Variants in LIN52 observed in about 807,000 individuals in gnomAD.
LIN52 encodes protein lin-52 homolog.
Under a neutral mutation model 18.5 loss-of-function variants are expected in LIN52, and 4 were observed. The observed-to-expected ratio is 0.22, with a 90% CI of 0.11 to 0.49. The LOEUF (loss-of-function observed/expected upper bound fraction) is 0.49. Among genes scored for constraint, LIN52 ranks in the 20% least tolerant of loss-of-function variants. LIN52 has a pLI of 0.97. For missense variants in LIN52, 102 were observed against 139.5 expected (o/e 0.73, Z 1.35); for synonymous variants, 34 against 45.5 (o/e 0.75, Z 1.02).
chr14:74,186,206 C>G (rs149443840), intron 5 of LIN52, among the ~76,000 whole-genome samples: 3 of 151,612 alleles, frequency 2.0e-5, no homozygotes, highest in Non-Finnish European at 2.9e-5. Context: ...GCGGGAGAAT[C>G]GCTTGAACCC....
At chr14:74,182,488 T>G (rs1258865249) in intron 5 of LIN52, among the ~76,000 whole-genome samples, 1 of 152,048 alleles carries the variant, frequency 6.6e-6, no homozygotes, top group Non-Finnish European at 1.5e-5. Flanking sequence ...AGATGCTGAT[T>G]TGTCCAAATC....
rs183818244 is a variant in LIN52, at chr14:74,162,691, G to A, written c.284-36231G>A. Among the ~76,000 whole-genome samples, 4 of 152,138 alleles carry A rather than the reference G, an allele frequency of 2.6e-5. No homozygotes were observed. In the East Asian group the frequency reaches 7.7e-4, roughly 29 times the overall value. On this transcript the variant is annotated intron_variant, in intron 5 of 5. Transcript: ENST00000555028. ...TTACAGGTGTGAGCCACTGCGCCCA[G>A]CCGAATTTTCTTAATTTCATGTATG... is the stretch of plus-strand genomic sequence containing the variant.
intron 5 of LIN52, among the ~76,000 whole-genome samples, chr14:74,121,503 T>C (rs2060999153): frequency 6.6e-6 from 1 of 152,242 alleles, no homozygotes; most frequent in South Asian, 2.1e-4. Context: ...GAAGTCATTA[T>C]TGCAAATGCT....
At chr14:74,145,892 G>A (rs886777184) in intron 5 of LIN52, among the ~76,000 whole-genome samples, 2 of 152,064 alleles carry the variant, frequency 1.3e-5, no homozygotes, top group African/African-American at 2.4e-5. Context: ...ACCAATATTT[G>A]GAAAGACATT....
At chr14:74,100,645 G>A (rs1029186103) in intron 4 of LIN52, among the ~76,000 whole-genome samples, 6 of 152,146 alleles carry the variant, frequency 3.9e-5, no homozygotes, top group Non-Finnish European at 5.9e-5. Flanking sequence ...CCAGCTAATC[G>A]TTCTATTTTT....
intron 5 of LIN52, among the ~76,000 whole-genome samples, chr14:74,146,882 C>T (rs1471413822): frequency 6.6e-6 from 1 of 152,094 alleles, no homozygotes; most frequent in Non-Finnish European, 1.5e-5. Context: ...CCCATATTTA[C>T]AGTTAATTGG....
chr14:74,195,568 G>GTT (rs1252063640), intron 5 of LIN52, among the ~76,000 whole-genome samples: 2 of 151,504 alleles, frequency 1.3e-5, no homozygotes, highest in African/African-American at 4.9e-5. Context: ...GTGTGTGTGT[G>GTT]TGTGTGTGCG....
intron 5 of LIN52, among the ~76,000 whole-genome samples, chr14:74,143,054 G>A (rs1215137903): frequency 6.6e-6 from 1 of 151,754 alleles, no homozygotes; most frequent in African/African-American, 2.4e-5. Flanking sequence ...ACTATGGAAT[G>A]AGTCCAGAGC....
intron 5 of LIN52, among the ~76,000 whole-genome samples, chr14:74,105,596 T>G (rs1272632494): frequency 6.6e-6 from 1 of 151,948 alleles, no homozygotes; most frequent in Non-Finnish European, 1.5e-5. Flanking sequence ...TTTTTTGTCC[T>G]TACAGATTAT....
chr14:74,164,486 A>G (rs1396071062), intron 5 of LIN52, among the ~76,000 whole-genome samples: 1 of 149,528 alleles, frequency 6.7e-6, no homozygotes, highest in African/African-American at 2.5e-5. Flanking sequence ...GGGTTTCACC[A>G]TGTTGTCCAG....
intron 1 of LIN52, among the ~76,000 whole-genome samples, chr14:74,086,498 A>T (rs539151652): frequency 6.6e-6 from 1 of 152,164 alleles, no homozygotes; most frequent in African/African-American, 2.4e-5. Context: ...ACAAAAAAAT[A>T]CAAAAATTAT....
chr14:74,137,506 T>C (rs2061104963), intron 5 of LIN52, among the ~76,000 whole-genome samples: 1 of 145,036 alleles, frequency 6.9e-6, no homozygotes, highest in South Asian at 2.2e-4. Context: ...CTCTTTTTTT[T>C]TTTTTTTTTT....
In LIN52 at chr14:74,114,935, C is replaced by T. The variant is rs551827763; in HGVS notation, c.283+13697C>T. On this transcript the variant is annotated intron_variant, in intron 5 of 5. Transcript: ENST00000555028. ...TCTTCCACAATAGTGCTTTTTCTTT[C>T]GGTTCCCTACCTATGAACTTTTCCT... Among the ~76,000 whole-genome samples the T allele has an allele frequency of 3.9e-5, 6 of 152,228 alleles. No individual in the cohort carries two copies. In the East Asian group the frequency reaches 9.6e-4, roughly 24 times the overall value.
At position 74,134,745 on chromosome 14, in the gene LIN52, T is replaced by C. The variant is rs530543177; in HGVS notation, c.283+33507T>C. ...TAAGGTGAAGACTACATCTGCCTTA[T>C]CTTAATTCTCAACTATTATTGGCTC... is the stretch of plus-strand genomic sequence containing the variant. On this transcript the variant is annotated intron_variant, in intron 5 of 5. Transcript: ENST00000555028. 9.2e-5 allele frequency among the ~76,000 whole-genome samples: 14 copies of C among 152,316 alleles called. No homozygotes were observed. In the South Asian group the frequency reaches 2.9e-3, roughly 32 times the overall value.
At chr14:74,092,917 A>G (rs1419694522) in intron 2 of LIN52, among the ~76,000 whole-genome samples, 1 of 151,680 alleles carries the variant, frequency 6.6e-6, no homozygotes, top group Non-Finnish European at 1.5e-5. Flanking sequence ...ACTCTTTCTC[A>G]AAAAAATCCC....
chr14:74,169,286 A>C (rs914261948), intron 5 of LIN52, among the ~76,000 whole-genome samples: 6 of 152,054 alleles, frequency 3.9e-5, no homozygotes, highest in African/African-American at 1.4e-4. Context: ...TCTTGAGTAA[A>C]CCTTCTTCTT....
chr14:74,184,627 G>A (rs8021451), intron 5 of LIN52, among the ~76,000 whole-genome samples: 124,044 of 152,226 alleles, frequency 0.81, 50,757 homozygotes, highest in Admixed American at 0.83. Context: ...AAATAATAAC[G>A]GTAATGATAA....
chr14:74,177,935 G>C (rs2061300975), intron 5 of LIN52, among the ~76,000 whole-genome samples: 1 of 151,966 alleles, frequency 6.6e-6, no homozygotes, highest in Admixed American at 6.6e-5. Flanking sequence ...CCGCCACCAG[G>C]CCTGGCTAAT....
chr14:74,198,788 T>C, intron 5 of LIN52, 134 bp from the exon 6 acceptor site: 2 of 676,050 alleles, frequency 3.0e-6, no homozygotes, highest in South Asian at 1.8e-5. Context: ...GGTTAGTTGG[T>C]GATGATTGAA....
Sources: gnomAD v4.1 joint callset for allele counts (sites outside exome capture counted in the v4.1 genomes callset) on GRCh38, gnomAD v4.1.1 for gene constraint, MANE v1.5 for transcripts, NCBI Gene and HGNC (gene_info 2026-07-23, HGNC 2026-07-21) for gene names.